The following PCNX2 variants were observed in gnomAD, a reference collection of about 807,000 sequenced individuals.
The protein encoded by PCNX2 is pecanex 2.
In PCNX2, 168 loss-of-function variants were observed where a neutral mutation model predicts 223.8. That is an observed-to-expected ratio of 0.75 (90% CI 0.66 to 0.85). The LOEUF is 0.85. Among genes scored for constraint, PCNX2 ranks in the 40% least tolerant of loss-of-function variants. PCNX2 has a pLI of 0.00. For missense variants in PCNX2, 2,507 were observed against 2,675.5 expected, an observed-to-expected ratio of 0.94 and a Z score of 1.39; for synonymous variants, 1,006 against 1,052.6, an observed-to-expected ratio of 0.96 and a Z score of 0.86.
intron 25 of PCNX2, among the ~76,000 whole-genome samples, chr1:233,049,233 C>T (rs1375349021): frequency 6.6e-6 from 1 of 152,100 alleles, no homozygotes; most frequent in African/African-American, 2.4e-5. Context: ...ATACAAAAAT[C>T]TTCAGCAAAC....
At chr1:232,999,401 G>C in intron 30 of PCNX2, 22 bp from the exon 31 acceptor site, 1 of 1,570,512 alleles carries the variant, frequency 6.4e-7, no homozygotes, top group Non-Finnish European at 8.6e-7. Context: ...AGAGGGAACG[G>C]GAAGAAAGGC....
intron 25 of PCNX2, chr1:233,025,697 C>T: frequency 2.5e-6 from 1 of 404,606 alleles, no homozygotes; most frequent in South Asian, 3.4e-5. Context: ...CAGTGGGAGG[C>T]AGTAGTTGAC....
rs368192063 is a variant in PCNX2, at chr1:233,258,379, G to T, written c.1483C>A (p.Arg495=). The change falls in exon 5 of 34, where the codon CGG becomes AGG. Residue 495 remains arginine, a synonymous_variant. Coordinates refer to ENST00000258229, the MANE Select transcript of PCNX2 (RefSeq NM_014801.4). ...SSREPWESVS[R]LTPDTGSESK... ...TCGGAGCCTGTATCAGGTGTAAGCC[G>T]GGACACCGATTCCCAGGGTTCCCGT... The T allele has an allele frequency of 6.2e-7, 1 of 1,613,948 alleles. No individual in the cohort carries two copies.
At chr1:233,087,935 G>A (rs1294733340) in intron 23 of PCNX2, among the ~76,000 whole-genome samples, 4 of 152,194 alleles carry the variant, frequency 2.6e-5, no homozygotes, top group African/African-American at 9.7e-5. Flanking sequence ...GGAACCTAGT[G>A]CTAATATCTG....
At position 233,289,376 on chromosome 1, in the gene PCNX2, G is replaced by T; in HGVS notation, c.153+5950C>A. The T allele has an allele frequency of 7.0e-6, 9 of 1,280,212 alleles. No homozygotes were observed. The Middle Eastern group carries it at 1.6e-3, about 227-fold the overall frequency. The allele number at this position is 1,280,212 out of a possible 1,614,324, so 79.3% of individuals were successfully genotyped here. ...TCATCTCCAGCTCCAGAAGAGCCTG[G>T]GAGATGCGGGACTCGAACTCGTCCG... On this transcript the variant is annotated intron_variant, in intron 1 of 33. Transcript: ENST00000258229.
chr1:233,295,264 G>C lies in PCNX2; in HGVS notation c.153+62C>G, dbSNP rs1373844856. 1 of 1,550,890 alleles carries C rather than the reference G, an allele frequency of 6.4e-7. No individual in the cohort carries two copies. The highest frequency in any genetic ancestry group is 2.4e-5 in the East Asian group (1 of 40,908). On this transcript the variant is annotated intron_variant, in intron 1 of 33. Transcript: ENST00000258229. This position sits in a 1 kb window ranked among gnomAD's most constrained non-coding sequence, Gnocchi z 4.1. ...CCGTGAGGCTGATGGCACGTCTGTG[G>C]TTCCTTTCTCCTTCTTCCCTCCATA... is the stretch of plus-strand genomic sequence containing the variant.
intron 18 of PCNX2, 128 bp from the exon 19 acceptor site, chr1:233,160,561 G>A (rs570855675): frequency 4.5e-5 from 48 of 1,064,990 alleles, no homozygotes; most frequent in South Asian, 2.4e-4. Flanking sequence ...CTCAGTTCTT[G>A]TTTCAGGCCT....
At chr1:233,043,778 G>A (rs1671729911) in intron 25 of PCNX2, among the ~76,000 whole-genome samples, 1 of 142,462 alleles carries the variant, frequency 7.0e-6, no homozygotes, top group South Asian at 2.4e-4. Flanking sequence ...TGGTGTATAT[G>A]TGTCACATTT....
intron 21 of PCNX2, among the ~76,000 whole-genome samples, chr1:233,100,265 T>C (rs1455699540): frequency 2.6e-5 from 4 of 151,878 alleles, no homozygotes; most frequent in East Asian, 1.9e-4. Context: ...ATACAAAAAT[T>C]AGCCGAGCGT....
At chr1:233,050,237 T>TA (rs200902160) in intron 25 of PCNX2, among the ~76,000 whole-genome samples, 7,057 of 150,972 alleles carry the variant, frequency 0.047, 213 homozygotes, top group Middle Eastern at 0.078. Context: ...TAAAGTATAA[T>TA]AAAAAAAATG....
At chr1:233,234,601 T>C (rs959585805) in intron 9 of PCNX2, among the ~76,000 whole-genome samples, 5 of 152,276 alleles carry the variant, frequency 3.3e-5, no homozygotes, top group Admixed American at 1.3e-4. Flanking sequence ...AAGTTTCTGC[T>C]CTAACGGGGA....
upstream of PCNX2, among the ~76,000 whole-genome samples, chr1:233,300,239 G>C (rs138301292): frequency 2.6e-5 from 4 of 152,298 alleles, no homozygotes; most frequent in East Asian, 7.7e-4. Flanking sequence ...TATTAAGATT[G>C]CTCAATAACG....
At chr1:233,095,902 T>G in intron 21 of PCNX2, 39 bp from the exon 22 acceptor site, 1 of 1,436,826 alleles carries the variant, frequency 7.0e-7, no homozygotes, top group Non-Finnish European at 9.6e-7. Flanking sequence ...GAGAGGACAA[T>G]GACAACAGTG....
At position 233,236,954 on chromosome 1, in the gene PCNX2, G is replaced by A. The variant is rs773521733; in HGVS notation, c.2249C>T (p.Thr750Ile). ...CGGATCTTGACTCTCAGAAGTTGTG[G>A]TACTGGAGGAGCTGACCTGCATCTC... Reference protein sequence around the residue: ...AREMQVSSSSTTTSESQDPSS... With the variant: ...AREMQVSSSSITTSESQDPSS... The change falls in exon 9 of 34, where the codon ACC (threonine) becomes ATC (isoleucine). Residue 750 changes from threonine to isoleucine, a missense_variant. Coordinates refer to ENST00000258229, the MANE Select transcript of PCNX2 (RefSeq NM_014801.4). 3 of 1,613,994 alleles carry A rather than the reference G, an allele frequency of 1.9e-6. No homozygotes were observed. The highest frequency in any genetic ancestry group is 2.2e-5 in the East Asian group (1 of 44,878).
chr1:233,008,949 G>A (rs551795911), intron 28 of PCNX2, among the ~76,000 whole-genome samples: 19 of 152,322 alleles, frequency 1.2e-4, no homozygotes, highest in African/African-American at 2.4e-4. Context: ...CCAGGGAAGT[G>A]TCCATGCAGA....
intron 8 of PCNX2, among the ~76,000 whole-genome samples, chr1:233,238,378 T>C (rs1318012888): frequency 6.6e-6 from 1 of 152,172 alleles, no homozygotes; most frequent in East Asian, 1.9e-4. Context: ...ATAGTTATTC[T>C]GTGAGAATGG....
intron 23 of PCNX2, among the ~76,000 whole-genome samples, chr1:233,075,746 A>C (rs1673068007): frequency 1.4e-5 from 2 of 145,776 alleles, no homozygotes; most frequent in South Asian, 2.1e-4. Flanking sequence ...CACAACAGAA[A>C]AGAAATCTCC....
intron 17 of PCNX2, among the ~76,000 whole-genome samples, chr1:233,163,473 G>A (rs542983821): frequency 9.9e-5 from 15 of 151,964 alleles, no homozygotes; most frequent in Admixed American, 6.6e-4. Context: ...GTGACAGAGC[G>A]AGACTCTGTC....
intron 15 of PCNX2, among the ~76,000 whole-genome samples, chr1:233,197,110 G>T (rs1680780982): frequency 6.6e-6 from 1 of 152,202 alleles, no homozygotes; most frequent in South Asian, 2.1e-4. Flanking sequence ...AGAGGCTGGA[G>T]ATAGGGGAAG....
Sources: gnomAD v4.1 joint callset for allele counts (sites outside exome capture counted in the v4.1 genomes callset) on GRCh38, gnomAD v4.1.1 for gene constraint, Gnocchi (gnomAD v3.1) non-coding constraint, MANE v1.5 for transcripts, NCBI Gene and HGNC (gene_info 2026-07-23, HGNC 2026-07-21) for gene names.